Variants in WARS2 observed in about 807,000 individuals in gnomAD.
WARS2 encodes tryptophanyl tRNA synthetase 2, mitochondrial.
A neutral mutation model predicts 36.5 loss-of-function variants in WARS2; 28 were observed. That is an observed-to-expected ratio of 0.77 (90% confidence interval 0.57 to 1.05). The LOEUF (loss-of-function observed/expected upper bound fraction) is 1.05, where lower values mean the gene tolerates loss of function less well. Among genes scored for constraint, WARS2 ranks in the 50% least tolerant of loss-of-function variants. The probability of loss-of-function intolerance (pLI) is 0.00; values close to 1 mark genes in which losing one functional copy is unlikely to be tolerated. For missense variants in WARS2, 435 were observed against 456.8 expected (o/e 0.95, Z 0.44); for synonymous variants, 174 against 178.4 (o/e 0.98, Z 0.20).
At chr1:119,121,235 G>A (rs1655306459) in intron 1 of WARS2, among the ~76,000 whole-genome samples, 1 of 151,988 alleles carries the variant, frequency 6.6e-6, no homozygotes. Flanking sequence ...CAGTAGCACT[G>A]CTATACACCA....
chr1:119,131,592 A>T (rs1041934844), intron 1 of WARS2, among the ~76,000 whole-genome samples: 8 of 151,402 alleles, frequency 5.3e-5, no homozygotes, highest in African/African-American at 1.9e-4. Context: ...CCTCCCGAGT[A>T]GCTGGGACTG....
chr1:119,139,634 A>G (rs1406283644), intron 1 of WARS2: 2 of 152,224 alleles, frequency 1.3e-5, no homozygotes, highest in Non-Finnish European at 2.9e-5. Flanking sequence ...CACAACAGTT[A>G]CAATAGGTGC....
At chr1:119,132,568 T>C (rs1015743954) in intron 1 of WARS2, among the ~76,000 whole-genome samples, 2 of 152,182 alleles carry the variant, frequency 1.3e-5, no homozygotes, top group Admixed American at 1.3e-4. Context: ...AATCTGCGAT[T>C]TGAGTAAACA....
intron 3 of WARS2, among the ~76,000 whole-genome samples, chr1:119,044,136 C>G (rs906513370): frequency 6.6e-6 from 1 of 152,172 alleles, no homozygotes; most frequent in African/African-American, 2.4e-5. Context: ...GAAGATATCA[C>G]TAGTATTTAA....
intron 1 of WARS2, among the ~76,000 whole-genome samples, chr1:119,090,506 G>C (rs1652967770): frequency 6.6e-6 from 1 of 152,202 alleles, no homozygotes; most frequent in Admixed American, 6.5e-5. Context: ...TGGGAGTAAT[G>C]ATTTCCTTTT....
Position 119,104,011 on chromosome 1 carries a change from A to T in WARS2, c.91-27404T>A, listed in dbSNP as rs369840045. On this transcript the variant is annotated intron_variant, in intron 1 of 5. Transcript: ENST00000235521. ...AAATATATTTTTAAATAGAGATAGAATCTCACTATATTGCTCAGGCTGGTC... is the reference window on the plus strand; with the variant it reads ...AAATATATTTTTAAATAGAGATAGATTCTCACTATATTGCTCAGGCTGGTC... Among the ~76,000 whole-genome samples the T allele has an allele frequency of 4.6e-5, 7 of 151,340 alleles. No homozygotes were observed. The South Asian group carries it at 6.2e-4, about 13-fold the overall frequency.
chr1:119,055,717 G>A (rs73013174), intron 2 of WARS2, among the ~76,000 whole-genome samples: 1 of 150,738 alleles, frequency 6.6e-6, no homozygotes, highest in African/African-American at 2.4e-5. Flanking sequence ...AAGAGAGAGA[G>A]AAGGAGGAGG....
intron 4 of WARS2, among the ~76,000 whole-genome samples, chr1:119,038,925 G>T (rs990120942): frequency 6.6e-6 from 1 of 152,106 alleles, no homozygotes; most frequent in Non-Finnish European, 1.5e-5. Flanking sequence ...CAGGTGATCT[G>T]CCTGCCTCGG....
rs572880016 is a variant in WARS2 at position 119,033,386 on chromosome 1, T to C, written c.635-27A>G. 1.7e-4 allele frequency: 280 copies of C among 1,611,664 alleles called. 4 individuals carry two copies. The South Asian group carries it at 3.0e-3, about 17-fold the overall frequency. On this transcript the variant is annotated intron_variant, in intron 5 of 5. Coordinates refer to ENST00000235521, the MANE Select transcript of WARS2 (RefSeq NM_015836.4). ...TAGGTTAAAAACACCAACACACACA[T>C]ACCCAAAACAAAAACAAAACAAACA...
chr1:119,112,714 G>A (rs1654725093), intron 1 of WARS2, among the ~76,000 whole-genome samples: 1 of 152,224 alleles, frequency 6.6e-6, no homozygotes, highest in African/African-American at 2.4e-5. Context: ...CAGAGTTTCA[G>A]AGAGTGGGGC....
At chr1:119,040,445 C>T (rs1199212920) in intron 4 of WARS2, among the ~76,000 whole-genome samples, 3 of 152,228 alleles carry the variant, frequency 2.0e-5, no homozygotes, top group Non-Finnish European at 2.9e-5. Context: ...AAACCTACCA[C>T]GCTCATGTGT....
chr1:119,122,835 G>A (rs979934823), intron 1 of WARS2, among the ~76,000 whole-genome samples: 1 of 152,060 alleles, frequency 6.6e-6, no homozygotes, highest in Non-Finnish European at 1.5e-5. Flanking sequence ...ACTAAGCAAC[G>A]AAGACACAAT....
chr1:119,137,515 C>T (rs4382771), intron 1 of WARS2, among the ~76,000 whole-genome samples: 74,647 of 151,940 alleles, frequency 0.49, 19,425 homozygotes, highest in African/African-American at 0.64. Flanking sequence ...ATAACAAATA[C>T]TTTTGCAAAA....
At chr1:119,063,601 G>A (rs1424780612) in intron 2 of WARS2, 1 of 152,234 alleles carries the variant, frequency 6.6e-6, no homozygotes. Flanking sequence ...TACTGGTGCT[G>A]TGTGCAGCCT....
intron 1 of WARS2, among the ~76,000 whole-genome samples, chr1:119,130,604 C>A (rs893268130): frequency 2.6e-5 from 4 of 152,140 alleles, no homozygotes; most frequent in Non-Finnish European, 5.9e-5. Context: ...CATTACACAA[C>A]TTTTGTAATT....
intron 2 of WARS2, among the ~76,000 whole-genome samples, chr1:119,070,086 T>G (rs1651176424): frequency 6.6e-6 from 1 of 152,192 alleles, no homozygotes; most frequent in Non-Finnish European, 1.5e-5. Flanking sequence ...TGCTGAGTAT[T>G]TACTAAGTAC....
chr1:119,057,726 G>C (rs998188825), intron 2 of WARS2, among the ~76,000 whole-genome samples: 2 of 151,400 alleles, frequency 1.3e-5, no homozygotes, highest in Non-Finnish European at 2.9e-5. Flanking sequence ...GGAGGCAGAG[G>C]TTTCAGTGAG....
At chr1:119,054,499 C>T (rs1369401985) in intron 2 of WARS2, among the ~76,000 whole-genome samples, 1 of 151,846 alleles carries the variant, frequency 6.6e-6, no homozygotes. Context: ...CATAGCGATC[C>T]CTCAGAAAAT....
intron 1 of WARS2, among the ~76,000 whole-genome samples, chr1:119,135,754 A>ATAGATAGG (rs1656457498): frequency 1.2e-5 from 1 of 83,510 alleles, no homozygotes; most frequent in Non-Finnish European, 2.7e-5. Context: ...AGATAGATAG[A>ATAGATAGG]GAGATAGAGA....
Sources: allele counts gnomAD v4.1 joint callset (sites outside exome capture counted in the v4.1 genomes callset), GRCh38; gene constraint gnomAD v4.1.1; transcripts MANE v1.5; gene names NCBI Gene and HGNC (gene_info 2026-07-23, HGNC 2026-07-21).